CFAP299: variants seen among roughly 807,000 people sequenced by gnomAD.
CFAP299 encodes the protein cilia- and flagella-associated protein 299.
A neutral mutation model predicts 27.0 loss-of-function variants in CFAP299; 21 were observed. The ratio of observed to expected loss-of-function variants is 0.78; its 90% CI spans 0.55 to 1.12. The LOEUF (loss-of-function observed/expected upper bound fraction) is 1.12. CFAP299 is among the 50% of genes most tolerant of loss of function. CFAP299 has a pLI of 0.00. For missense variants in CFAP299, 310 were observed against 276.6 expected, an observed-to-expected ratio of 1.12 and a Z score of -0.86; for synonymous variants, 104 against 98.1, an observed-to-expected ratio of 1.06 and a Z score of -0.36.
chr4:80,871,359 C>T, intron 4 of CFAP299: 1 of 985,420 alleles, frequency 1.0e-6, no homozygotes, highest in Non-Finnish European at 1.2e-6. Flanking sequence ...TCGATCCACA[C>T]ATTTTTTTCA....
chr4:80,359,119 T>C (rs1193993254), intron 1 of CFAP299, among the ~76,000 whole-genome samples: 6 of 152,180 alleles, frequency 3.9e-5, no homozygotes, highest in East Asian at 3.8e-4. Flanking sequence ...TTGGATTTTC[T>C]TTTCTTTAAG....
At chr4:80,956,103 C>A (rs1480337528) in intron 5 of CFAP299, among the ~76,000 whole-genome samples, 1 of 152,138 alleles carries the variant, frequency 6.6e-6, no homozygotes, top group African/African-American at 2.4e-5. Flanking sequence ...GCTTTCCCTC[C>A]GGTTTAATTA....
At chr4:80,527,776 T>A (rs566470635) in intron 2 of CFAP299, among the ~76,000 whole-genome samples, 26 of 152,290 alleles carry the variant, frequency 1.7e-4, no homozygotes, top group Admixed American at 1.1e-3. Context: ...ATTGCTTTTT[T>A]TCAACATTGT....
chr4:80,828,280 G>A (rs190895626), intron 3 of CFAP299, among the ~76,000 whole-genome samples: 119 of 152,080 alleles, frequency 7.8e-4, no homozygotes, highest in African/African-American at 2.7e-3. Context: ...AGGACTTTGT[G>A]ATTTCAAAAC....
At chr4:80,422,893 T>TA (rs1389423371) in intron 2 of CFAP299, among the ~76,000 whole-genome samples, 5 of 152,192 alleles carry the variant, frequency 3.3e-5, no homozygotes, top group Non-Finnish European at 7.3e-5. Flanking sequence ...AGAGTATACT[T>TA]ATGTAAACCT....
At chr4:80,692,809 C>T (rs550972376) in intron 3 of CFAP299, among the ~76,000 whole-genome samples, 1 of 152,242 alleles carries the variant, frequency 6.6e-6, no homozygotes, top group Admixed American at 6.5e-5. Flanking sequence ...TGACAAAGGG[C>T]TGATATCCAG....
chr4:80,696,519 TAAAAC>T (rs1325536114), intron 3 of CFAP299, among the ~76,000 whole-genome samples: 2 of 151,812 alleles, frequency 1.3e-5, no homozygotes, highest in Non-Finnish European at 2.9e-5. Context: ...AATAAATAAA[TAAAAC>T]AAAAATAAAG....
At chr4:80,643,837 A>G (rs1219351901) in intron 3 of CFAP299, among the ~76,000 whole-genome samples, 1 of 152,172 alleles carries the variant, frequency 6.6e-6, no homozygotes, top group Non-Finnish European at 1.5e-5. Context: ...TTATTTTATA[A>G]TGAGCTTAAA....
rs570414708 is a variant in CFAP299, at chr4:80,757,707, GTT to G, written c.334-112284_334-112283del. Among the ~76,000 whole-genome samples the G allele has an allele frequency of 1.8e-4, 26 of 148,288 alleles. No homozygotes were observed. In the South Asian group the frequency reaches 5.5e-3, roughly 31 times the overall value. On this transcript the variant is annotated intron_variant, in intron 3 of 5. Transcript: ENST00000358105. ...CAAAGTCAGGTTTTTTGTTTTTTTT[GTT>G]TGTTTGTTTGTTTGTTTGGTTTGGT...
At chr4:80,748,152 CTTAT>C (rs962108355) in intron 3 of CFAP299, among the ~76,000 whole-genome samples, 1 of 151,954 alleles carries the variant, frequency 6.6e-6, no homozygotes, top group African/African-American at 2.4e-5. Context: ...TTTAGTATCC[CTTAT>C]TTATTTTCAA....
At chr4:80,327,403 C>T in the CFAP299 span, among the ~76,000 whole-genome samples, 1 of 152,002 alleles carries the variant, frequency 6.6e-6, no homozygotes, top group South Asian at 2.1e-4. Context: ...TGTAGGGCTT[C>T]ATAAGCCAAG....
intron 3 of CFAP299, among the ~76,000 whole-genome samples, chr4:80,634,477 T>TTA (rs10589874): frequency 6.6e-6 from 1 of 151,784 alleles, no homozygotes; most frequent in African/African-American, 2.4e-5. Flanking sequence ...TGTCATTTCA[T>TTA]TATATATATA....
intron 3 of CFAP299, among the ~76,000 whole-genome samples, chr4:80,718,401 A>G (rs893270582): frequency 1.3e-5 from 2 of 152,106 alleles, no homozygotes; most frequent in Non-Finnish European, 2.9e-5. Context: ...TTGATAAACA[A>G]TGTCCTTATC....
At chr4:80,739,167 T>A (rs1212755243) in intron 3 of CFAP299, among the ~76,000 whole-genome samples, 3 of 152,170 alleles carry the variant, frequency 2.0e-5, no homozygotes, top group Non-Finnish European at 4.4e-5. Context: ...TATCCTTTAA[T>A]CTTTTTACTT....
intron 4 of CFAP299, among the ~76,000 whole-genome samples, chr4:80,876,042 CAAT>C (rs1733357684): frequency 6.6e-6 from 1 of 151,788 alleles, no homozygotes; most frequent in Admixed American, 6.6e-5. Context: ...GATTTAAAAA[CAAT>C]GATGATGTTA....
At chr4:80,526,262 T>C (rs963583750) in intron 2 of CFAP299, among the ~76,000 whole-genome samples, 2 of 152,144 alleles carry the variant, frequency 1.3e-5, no homozygotes, top group African/African-American at 4.8e-5. Flanking sequence ...TATATTCATT[T>C]GGAAAGTAGC....
At chr4:80,353,476 T>A (rs1253867648) in intron 1 of CFAP299, among the ~76,000 whole-genome samples, 1 of 152,206 alleles carries the variant, frequency 6.6e-6, no homozygotes, top group Non-Finnish European at 1.5e-5. Context: ...TCCAAAAATG[T>A]CATATTGTTT....
intron 3 of CFAP299, among the ~76,000 whole-genome samples, chr4:80,729,592 C>CTTTTTT (rs34745276): frequency 1.4e-4 from 9 of 64,334 alleles, no homozygotes; most frequent in Non-Finnish European, 2.2e-4. Context: ...GCTTCAGCAT[C>CTTTTTT]TTTTTTTTTT....
chr4:80,577,203 C>T (rs1172113157), intron 2 of CFAP299, among the ~76,000 whole-genome samples: 1 of 152,064 alleles, frequency 6.6e-6, no homozygotes, highest in Non-Finnish European at 1.5e-5. Context: ...AAACTGAATA[C>T]CAACTGATTA....
Sources: gnomAD v4.1 joint callset for allele counts (sites outside exome capture counted in the v4.1 genomes callset) on GRCh38, gnomAD v4.1.1 for gene constraint, MANE v1.5 for transcripts, NCBI Gene and HGNC (gene_info 2026-07-23, HGNC 2026-07-21) for gene names.